The following AFF1 variants were observed in gnomAD, a reference collection of about 807,000 sequenced individuals.
The protein encoded by AFF1 is ALF transcription elongation factor 1, also known as AF4/FMR2 family member 1.
Under a neutral mutation model 121.7 loss-of-function variants are expected in AFF1, and 48 were observed. That is an observed-to-expected ratio of 0.39 (90% CI 0.31 to 0.50). AFF1 has a LOEUF of 0.50. AFF1 is among the 20% of genes least tolerant of loss of function. AFF1 has a pLI of 0.76. For missense variants in AFF1, 1,523 were observed against 1,511.7 expected (o/e 1.01, Z -0.12); for synonymous variants, 613 against 563.0 (o/e 1.09, Z -1.26).
chr4:87,061,176 G>T (rs1015097056), intron 4 of AFF1, among the ~76,000 whole-genome samples: 3 of 152,128 alleles, frequency 2.0e-5, no homozygotes, highest in African/African-American at 7.2e-5. Flanking sequence ...TACTTGGTTC[G>T]TGTTTCTAGT....
At chr4:87,026,623 G>A (rs1358679937) in intron 2 of AFF1, among the ~76,000 whole-genome samples, 2 of 152,158 alleles carry the variant, frequency 1.3e-5, no homozygotes, top group African/African-American at 4.8e-5. Context: ...GGGAACTGAG[G>A]CCAGACTTCT....
chr4:87,044,696 G>A (rs1193440687), intron 2 of AFF1, among the ~76,000 whole-genome samples: 1 of 152,136 alleles, frequency 6.6e-6, no homozygotes, highest in Admixed American at 6.5e-5. Context: ...TTGTAAGAGA[G>A]TCATACTTCC....
At chr4:87,024,643 A>T (rs1728348141) in intron 2 of AFF1, among the ~76,000 whole-genome samples, 1 of 152,002 alleles carries the variant, frequency 6.6e-6, no homozygotes, top group Non-Finnish European at 1.5e-5. Flanking sequence ...CCGAGGCTGG[A>T]GTACAGTGGC....
chr4:87,132,776 C>T (rs1728951292), intron 19 of AFF1, among the ~76,000 whole-genome samples: 1 of 152,180 alleles, frequency 6.6e-6, no homozygotes, highest in Admixed American at 6.5e-5. Flanking sequence ...CTGCAACCTC[C>T]ACCTCCCAGG....
intron 2 of AFF1, among the ~76,000 whole-genome samples, chr4:86,985,177 ATTAC>A (rs1267158695): frequency 3.1e-4 from 30 of 97,356 alleles, no homozygotes; most frequent in African/African-American, 1.0e-3. Flanking sequence ...TATAATATGT[ATTAC>A]TATATATATA....
intron 4 of AFF1, among the ~76,000 whole-genome samples, chr4:87,071,146 C>G (rs1722000567): frequency 6.7e-6 from 1 of 149,802 alleles, no homozygotes; most frequent in Admixed American, 6.7e-5. Context: ...TAGTAGTTTT[C>G]CAGTGACTTT....
intron 4 of AFF1, among the ~76,000 whole-genome samples, chr4:87,076,232 G>T (rs1362108107): frequency 6.7e-6 from 1 of 149,058 alleles, no homozygotes; most frequent in East Asian, 2.0e-4. Context: ...GTGACCTAGA[G>T]ATTCCTCATT....
At chr4:86,948,429 C>T in intron 1 of AFF1, 69 bp from the exon 2 acceptor site, 1 of 1,015,518 alleles carries the variant, frequency 9.8e-7, no homozygotes, top group African/African-American at 1.6e-5. Context: ...AAGCTTCTTA[C>T]AGGTCATGCG....
At chr4:87,110,994 CTTTATTTTTTTTTT>C (rs991078627) in intron 11 of AFF1, among the ~76,000 whole-genome samples, 1 of 86,642 alleles carries the variant, frequency 1.2e-5, no homozygotes, top group African/African-American at 5.1e-5. Context: ...TCTACTTAAA[CTTTATTTTTTTTTT>C]TTTATTTTTT....
intron 4 of AFF1, among the ~76,000 whole-genome samples, chr4:87,066,763 C>A (rs1721391238): frequency 6.6e-6 from 1 of 152,182 alleles, no homozygotes; most frequent in Non-Finnish European, 1.5e-5. Flanking sequence ...GAGGCATTCT[C>A]AACCCAACCC....
In AFF1 at chr4:87,115,239, G is replaced by T. The variant is rs755047245; in HGVS notation, c.2406G>T (p.Lys802Asn). ...KAEDKQPPAG[K>N]KHSSEKRSSD... Reference sequence around the variant, plus strand: ...AAGATAAACAGCCGCCCGCAGGGAAGAAGCACAGCTCTGAGAAGAGGAGCT... The same window carrying T: ...AAGATAAACAGCCGCCCGCAGGGAATAAGCACAGCTCTGAGAAGAGGAGCT... Residue 802 changes from lysine to asparagine, a missense_variant, in exon 12 of 21, where the codon AAG (lysine) becomes AAT (asparagine). Transcript: ENST00000395146. The T allele has an allele frequency of 1.2e-6, 2 of 1,614,070 alleles. No homozygotes were observed. The highest frequency in any genetic ancestry group is 1.6e-4 in the Middle Eastern group (1 of 6,062).
intron 2 of AFF1, among the ~76,000 whole-genome samples, chr4:86,981,287 T>C: frequency 6.6e-6 from 1 of 152,168 alleles, no homozygotes; most frequent in East Asian, 1.9e-4. Context: ...TAACAGTTTT[T>C]TAAGTTGATT....
At chr4:87,124,705 TATTTAGAA>T (rs1728046377) in intron 12 of AFF1, among the ~76,000 whole-genome samples, 2 of 152,244 alleles carry the variant, frequency 1.3e-5, no homozygotes, top group South Asian at 4.1e-4. Flanking sequence ...GATTCTTTTC[TATTTAGAA>T]AAACATCAGT....
intron 4 of AFF1, among the ~76,000 whole-genome samples, chr4:87,063,859 G>A (rs551604295): frequency 1.8e-4 from 27 of 152,288 alleles, no homozygotes; most frequent in African/African-American, 5.8e-4. Context: ...TCTTCAAGTA[G>A]TCTGTATAGA....
chr4:86,948,307 A>C (rs947484898), intron 1 of AFF1, among the ~76,000 whole-genome samples, 191 bp from the exon 2 acceptor site: 1 of 152,186 alleles, frequency 6.6e-6, no homozygotes, highest in East Asian at 1.9e-4. Context: ...GCAGCCTCAC[A>C]GTTAAAAGTG....
chr4:86,959,828 T>G (rs1451377084), intron 2 of AFF1, among the ~76,000 whole-genome samples: 2 of 152,072 alleles, frequency 1.3e-5, no homozygotes, highest in Non-Finnish European at 2.9e-5. Context: ...GCATTAGGGG[T>G]GTGCTGGGAA....
chr4:86,990,448 G>A (rs1262255302), intron 2 of AFF1, among the ~76,000 whole-genome samples: 2 of 152,048 alleles, frequency 1.3e-5, no homozygotes, highest in Non-Finnish European at 2.9e-5. Context: ...TCAAAGCGGT[G>A]TGAAGAAAAC....
chr4:87,133,430 A>G (rs1364979645), intron 19 of AFF1, among the ~76,000 whole-genome samples: 2 of 152,188 alleles, frequency 1.3e-5, no homozygotes, highest in South Asian at 2.1e-4. Context: ...AGACTCCCAT[A>G]TGGCCTCTCT....
At chr4:87,126,721 TCTTCCTG>T (rs901745635) in intron 14 of AFF1, among the ~76,000 whole-genome samples, 38 of 152,336 alleles carry the variant, frequency 2.5e-4, no homozygotes, top group Non-Finnish European at 2.4e-4. Flanking sequence ...AAAGTTCTTC[TCTTCCTG>T]TTAATCTGGG....
Sources: gnomAD v4.1 joint callset for allele counts (sites outside exome capture counted in the v4.1 genomes callset) on GRCh38, gnomAD v4.1.1 for gene constraint, MANE v1.5 for transcripts, NCBI Gene and HGNC (gene_info 2026-07-23, HGNC 2026-07-21) for gene names.